Variants in TENM1 observed in about 807,000 individuals in gnomAD.
The protein encoded by TENM1 is teneurin transmembrane protein 1, also known as teneurin-1.
Under a neutral mutation model 174.8 loss-of-function variants are expected in TENM1, and 35 were observed. The observed-to-expected ratio is 0.20, with a 90% CI of 0.15 to 0.27. The LOEUF (loss-of-function observed/expected upper bound fraction) is 0.27. Among genes scored for constraint, TENM1 ranks in the 10% least tolerant of loss-of-function variants. The pLI, the probability that TENM1 is intolerant of heterozygous loss-of-function variation, is 1.00. For synonymous variants in TENM1, 781 were observed against 798.7 expected, an observed-to-expected ratio of 0.98 and a Z score of 0.37; for missense variants, 1,633 against 2,130.1, an observed-to-expected ratio of 0.77 and a Z score of 4.59.
chrX:124,760,344 C>T (rs746468520), intron 3 of TENM1, among the ~76,000 whole-genome samples: 4 of 111,741 alleles, frequency 3.6e-5, no homozygotes, highest in Admixed American at 9.5e-5. Context: ...TTTCCGGTGA[C>T]GGCTCTATTC....
At chrX:125,051,179 G>C in the TENM1 span, among the ~76,000 whole-genome samples, 1 of 111,301 alleles carries the variant, frequency 9.0e-6, no homozygotes, top group South Asian at 3.8e-4. Context: ...ACAAACCACT[G>C]CTCAAGGAAA....
chrX:124,982,473 G>A, the TENM1 span, among the ~76,000 whole-genome samples: 1 of 111,174 alleles, frequency 9.0e-6, no homozygotes, highest in Non-Finnish European at 1.9e-5. Context: ...TATCCAGCAG[G>A]GAAGGGAGAT....
At chrX:124,479,292 C>T (rs750519008) in intron 22 of TENM1, among the ~76,000 whole-genome samples, 1 of 112,117 alleles carries the variant, frequency 8.9e-6, no homozygotes. Flanking sequence ...GCTTCAGGAA[C>T]GTTATGTGTA....
In TENM1 at chrX:124,745,454, G is replaced by A. The variant is rs375548221; in HGVS notation, c.536-8257C>T. On this transcript the variant is annotated intron_variant, in intron 3 of 31. Coordinates refer to ENST00000422452, the Ensembl canonical transcript of TENM1. ...TAGGATCAAAACATGCCAATGTTTTGCGGTCACCTGTTGCTATAATAGAGG... is the reference window on the plus strand; with the variant it reads ...TAGGATCAAAACATGCCAATGTTTTACGGTCACCTGTTGCTATAATAGAGG... 5.4e-5 allele frequency among the ~76,000 whole-genome samples: 6 copies of A among 111,427 alleles called. No individual in the cohort carries two copies. The South Asian group carries it at 2.3e-3, about 43-fold the overall frequency.
intron 18 of TENM1, among the ~76,000 whole-genome samples, chrX:124,508,773 A>G (rs16301): frequency 0.16 from 17,290 of 111,198 alleles, 1,054 homozygotes; most frequent in Middle Eastern, 0.22. Context: ...TCAAAGGCAG[A>G]GTGATATACT....
intron 7 of TENM1, 141 bp from the exon 11 acceptor site, chrX:124,652,265 A>G (rs1267195901): frequency 1.3e-6 from 1 of 786,611 alleles, no homozygotes; most frequent in Non-Finnish European, 1.7e-6. Context: ...ATTTTTAAGT[A>G]TATTTAGACT....
intron 1 of TENM1, 87 bp from the exon 5 acceptor site, chrX:124,896,328 C>A (rs912075136): frequency 2.0e-6 from 2 of 983,441 alleles, no homozygotes; most frequent in African/African-American, 3.8e-5. Flanking sequence ...ATTCCCCTCT[C>A]CCCCATTGGT....
At chrX:124,969,314 T>C in the TENM1 span, among the ~76,000 whole-genome samples, 1 of 112,318 alleles carries the variant, frequency 8.9e-6, no homozygotes, top group African/African-American at 3.2e-5. Context: ...AATGTCAACA[T>C]CTGTGGCTTG....
the TENM1 span, among the ~76,000 whole-genome samples, chrX:125,111,560 G>A: frequency 4.6e-4 from 51 of 111,715 alleles, no homozygotes; most frequent in Admixed American, 3.9e-3. Context: ...TAAGCACTGA[G>A]GTAAAGAATT....
chrX:124,523,562 C>G, exon 17 of TENM1: 2 of 1,211,459 alleles, frequency 1.7e-6, no homozygotes, highest in East Asian at 3.0e-5. Flanking sequence ...TCTTCTCAGG[C>G]AGGAAAGGGG....
rs72610645 is a variant in TENM1, at chrX:124,508,470, A to T, written c.3302-4767T>A. 2.7e-5 allele frequency among the ~76,000 whole-genome samples: 3 copies of T among 112,417 alleles called. No individual in the cohort carries two copies. In the East Asian group the frequency reaches 8.4e-4, roughly 32 times the overall value. ...GCCCTAAAATAAACTTTACCTGGAC[A>T]TGATGTATTATCCTTTCAGTGAATC... On this transcript the variant is annotated intron_variant, in intron 18 of 31. Coordinates refer to ENST00000422452, the Ensembl canonical transcript of TENM1.
intron 3 of TENM1, among the ~76,000 whole-genome samples, chrX:124,754,765 C>G (rs1378541849): frequency 1.9e-5 from 2 of 105,629 alleles, no homozygotes; most frequent in Admixed American, 2.0e-4. Flanking sequence ...CATTCAGGAG[C>G]AGGTTGTTCA....
intron 28 of TENM1, among the ~76,000 whole-genome samples, chrX:124,389,679 T>C (rs890537934): frequency 4.5e-5 from 5 of 111,021 alleles, no homozygotes; most frequent in Non-Finnish European, 9.4e-5. Context: ...TGTTTTGATT[T>C]ACCTCCAAGT....
At chrX:124,501,438 ACCCATTG>A (rs2047327394) in intron 19 of TENM1, among the ~76,000 whole-genome samples, 1 of 112,000 alleles carries the variant, frequency 8.9e-6, no homozygotes, top group African/African-American at 3.2e-5. Flanking sequence ...GCTAGAAACT[ACCCATTG>A]CATAATGATT....
chrX:124,812,445 G>A (rs765345027), intron 3 of TENM1, among the ~76,000 whole-genome samples: 1 of 111,342 alleles, frequency 9.0e-6, no homozygotes, highest in African/African-American at 3.2e-5. Flanking sequence ...CATTCCTATA[G>A]ATCCATGCAA....
intron 20 of TENM1, among the ~76,000 whole-genome samples, chrX:124,488,540 A>T (rs945321978): frequency 4.0e-4 from 45 of 112,436 alleles, no homozygotes; most frequent in Admixed American, 1.9e-3. Context: ...GTTGAAACAA[A>T]GGTGAACTGA....
exon 5 of TENM1, chrX:124,705,016 T>C: frequency 8.4e-7 from 1 of 1,195,310 alleles, no homozygotes; most frequent in Non-Finnish European, 1.1e-6. Context: ...GACTTACCAA[T>C]CACATAGGCT....
chrX:124,718,080 C>A (rs1399376488), intron 4 of TENM1, among the ~76,000 whole-genome samples: 3 of 112,387 alleles, frequency 2.7e-5, no homozygotes, highest in Admixed American at 9.5e-5. Context: ...TGTGCATCTC[C>A]AAATGGGCCA....
chrX:124,479,879 T>C (rs377438497), intron 22 of TENM1, among the ~76,000 whole-genome samples: 76 of 112,115 alleles, frequency 6.8e-4, no homozygotes, highest in African/African-American at 2.4e-3. Flanking sequence ...ACCCGAGTTA[T>C]TTATTCAATC....
Sources: gnomAD v4.1 joint callset for allele counts (sites outside exome capture counted in the v4.1 genomes callset) on GRCh38, gnomAD v4.1.1 for gene constraint, MANE v1.5 for transcripts, NCBI Gene and HGNC (gene_info 2026-07-23, HGNC 2026-07-21) for gene names.